Variants in PDE6A observed in about 807,000 individuals in gnomAD.
PDE6A encodes the protein phosphodiesterase 6A, also known as rod cGMP-specific 3',5'-cyclic phosphodiesterase subunit alpha.
In PDE6A, 84 loss-of-function variants were observed where a neutral mutation model predicts 106.3. The observed-to-expected ratio is 0.79, with a 90% CI of 0.66 to 0.95. The LOEUF (loss-of-function observed/expected upper bound fraction) is 0.95, where lower values mean the gene tolerates loss of function less well. Ranked by LOEUF, PDE6A falls within the 40% of genes least tolerant of loss-of-function variation. The probability of loss-of-function intolerance (pLI) is 0.00; values close to 1 mark genes in which losing one functional copy is unlikely to be tolerated. For missense variants in PDE6A, 1,052 were observed against 1,084.9 expected (o/e 0.97, Z 0.43); for synonymous variants, 394 against 386.6 (o/e 1.02, Z -0.23).
chr5:149,932,242 C>T (rs1202556935), intron 3 of PDE6A: 1 of 1,402,510 alleles, frequency 7.1e-7, no homozygotes, highest in African/African-American at 1.4e-5. Flanking sequence ...TCATTTCTGA[C>T]CAGCTGTCCA....
intron 16 of PDE6A, 93 bp from the exon 17 acceptor site, chr5:149,883,629 T>G: frequency 2.3e-6 from 2 of 865,062 alleles, no homozygotes; most frequent in Non-Finnish European, 3.8e-6. Flanking sequence ...GGAGCCTTAT[T>G]AAATCAACAA....
rs1753699013 is a variant in PDE6A at position 149,920,980 on chromosome 5, AAGAAAGAAAG to A, written c.933+645_933+654del. On this transcript the variant is annotated intron_variant, in intron 5 of 21. Coordinates refer to ENST00000255266, the MANE Select transcript of PDE6A (RefSeq NM_000440.3). ...AAAGAAAGAAAGAAAGAAAGAAAGA[AAGAAAGAAAG>A]AAAGAAAAAGAAAGAAAATAGAAAA... Among the ~76,000 whole-genome samples the A allele has an allele frequency of 1.1e-4, 14 of 133,312 alleles. No homozygotes were observed. In the South Asian group the frequency reaches 3.1e-3, roughly 30 times the overall value. 87.5% of individuals were successfully genotyped at this position (133,312 alleles called of 152,430 possible). A position where few individuals can be genotyped will look rare whatever the true frequency, so the allele number is the denominator to read the frequency against.
chr5:149,938,864 A>C (rs982861011), intron 1 of PDE6A, among the ~76,000 whole-genome samples: 1 of 152,178 alleles, frequency 6.6e-6, no homozygotes, highest in Non-Finnish European at 1.5e-5. Flanking sequence ...ATTACAGCCC[A>C]AAAGAACTAC....
chr5:149,906,519 C>CAAAAAAAAAAAAAAAACAAAAAAAA (rs1753190063), intron 7 of PDE6A, among the ~76,000 whole-genome samples: 1 of 54,204 alleles, frequency 1.8e-5, no homozygotes, highest in Non-Finnish European at 4.0e-5. Flanking sequence ...GAGACACTGT[C>CAAAAAAAAAAAAAAAACAAAAAAAA]AAAAAAAAAA....
Position 149,899,472 on chromosome 5 carries a change from G to T in PDE6A, c.1166C>A (p.Pro389Gln). The change falls in exon 9 of 22, where the codon CCG becomes CAG. Residue 389 changes from proline (P) to glutamine (Q), a missense_variant. By Grantham distance (76) the Pro-to-Gln change is moderately conservative (BLOSUM62 -1). This residue lies in a region of PDE6A where 913 missense variants were observed against 915.2 expected (regional missense o/e 1.00). Coordinates refer to ENST00000255266, the MANE Select transcript of PDE6A (RefSeq NM_000440.3). The stretch of plus-strand genomic sequence containing the variant: ...AATTTCTTCCTTCTTGTTCACAATC[G>T]GCATTGAAAGCACATTTTTAATCAT... ...GWMIKNVLSM[P>Q]IVNKKEEIVG... 6.2e-7 allele frequency: 1 copy of T among 1,613,886 alleles called. No homozygotes were observed. Among genetic ancestry groups the T allele is most frequent in the Non-Finnish European group, 8.5e-7 (1 of 1,179,850 alleles).
intron 8 of PDE6A, among the ~76,000 whole-genome samples, chr5:149,900,398 T>TATATATATATATATATATATATATATA (rs1752930997): frequency 7.4e-6 from 1 of 135,090 alleles, no homozygotes; most frequent in Non-Finnish European, 1.6e-5. Context: ...TATATATATA[T>TATATATATATATATATATATATATATA]CCGTTGGTTC....
chr5:149,895,776 T>TGAGAGAGAGAGAGAAAGAG (rs1752723373), intron 12 of PDE6A, among the ~76,000 whole-genome samples: 1 of 151,644 alleles, frequency 6.6e-6, no homozygotes, highest in Non-Finnish European at 1.5e-5. Context: ...TCTGTGTGTG[T>TGAGAGAGAGAGAGAAAGAG]GAGAGAGAGA....
intron 4 of PDE6A, among the ~76,000 whole-genome samples, chr5:149,922,661 T>C (rs1466953402): frequency 6.6e-6 from 1 of 152,194 alleles, no homozygotes; most frequent in Non-Finnish European, 1.5e-5. Context: ...GGAATCAGAC[T>C]GCAATTTATT....
chr5:149,867,747 G>A lies in PDE6A; in HGVS notation c.2252C>T (p.Thr751Met), dbSNP rs143080578. 341 of 1,613,594 alleles carry A rather than the reference G, an allele frequency of 2.1e-4. No homozygotes were observed. Among genetic ancestry groups the A allele is most frequent in the Non-Finnish European group, 2.7e-4 (319 of 1,179,938 alleles). ...CACAATGGGATTCTGTTGCAGCACC[G>A]TGCGCTCCAGGTCACCTTGTTCCCA... ...EFWEQGDLER[T>M]VLQQNPIPMM... Residue 751 changes from threonine (T) to methionine (M), a missense_variant, in exon 19 of 22, where the codon ACG (threonine) becomes ATG (methionine). Around this residue, in one of 3 missense-constraint regions of PDE6A, gnomAD observed 135 missense variants for 153.2 expected, o/e 0.88. Coordinates refer to ENST00000255266, the MANE Select transcript of PDE6A (RefSeq NM_000440.3).
At chr5:149,874,279 G>T (rs1442354092) in intron 17 of PDE6A, among the ~76,000 whole-genome samples, 1 of 152,202 alleles carries the variant, frequency 6.6e-6, no homozygotes, top group Non-Finnish European at 1.5e-5. Context: ...CCACATGTAT[G>T]GGGTCCCCAA....
At chr5:149,887,933 G>A (rs1438029062) in intron 13 of PDE6A, among the ~76,000 whole-genome samples, 2 of 152,112 alleles carry the variant, frequency 1.3e-5, no homozygotes, top group Non-Finnish European at 2.9e-5. Context: ...TATGCTGGGC[G>A]TAAAGCCTGC....
At chr5:149,861,624 T>C (rs866971237) in intron 21 of PDE6A, among the ~76,000 whole-genome samples, 16 of 152,176 alleles carry the variant, frequency 1.1e-4, no homozygotes, top group African/African-American at 3.1e-4. Context: ...CGCTCCAGCC[T>C]GGGCAACAAA....
chr5:149,940,793 C>T lies in PDE6A; in HGVS notation c.474+3407G>A, dbSNP rs934212200. ...GATTACAGGTGTGAGCCACTGCGCC[C>T]GGCCTACCTGTTTGAATTCTTGCAT... On this transcript the variant is annotated intron_variant, in intron 1 of 21. Transcript: ENST00000255266. Among the ~76,000 whole-genome samples the T allele has an allele frequency of 1.1e-4, 16 of 152,118 alleles. 1 individual carries two copies. The highest frequency in any genetic ancestry group is 2.4e-4 in the African/African-American group (10 of 41,424).
intron 8 of PDE6A, among the ~76,000 whole-genome samples, chr5:149,900,375 G>GTATATGTATA (rs1752924278): frequency 1.2e-5 from 1 of 82,584 alleles, no homozygotes; most frequent in Non-Finnish European, 2.4e-5. Context: ...AAATATATAT[G>GTATATGTATA]TATATATATA....
At chr5:149,938,773 AT>A (rs1161335648) in intron 1 of PDE6A, among the ~76,000 whole-genome samples, 1 of 151,528 alleles carries the variant, frequency 6.6e-6, no homozygotes, top group Non-Finnish European at 1.5e-5. Context: ...GGCATCTTAT[AT>A]TTTTTCTGGC....
At chr5:149,899,561 T>A (rs1179411089) in intron 8 of PDE6A, 37 bp from the exon 9 acceptor site, 1 of 1,607,688 alleles carries the variant, frequency 6.2e-7, no homozygotes, top group South Asian at 1.1e-5. Context: ...TCCTCTTGTT[T>A]CAGGCCACAG....
intron 17 of PDE6A, among the ~76,000 whole-genome samples, chr5:149,881,002 G>A (rs1044247886): frequency 2.6e-5 from 4 of 152,186 alleles, no homozygotes; most frequent in African/African-American, 9.7e-5. Flanking sequence ...GGTGCAGGTT[G>A]CAGTGAGCCG....
intron 13 of PDE6A, among the ~76,000 whole-genome samples, chr5:149,888,765 G>C (rs997551302): frequency 5.3e-5 from 8 of 151,890 alleles, no homozygotes; most frequent in Admixed American, 5.2e-4. Flanking sequence ...GAAAGTAATT[G>C]TATGTGTGAT....
In PDE6A at chr5:149,895,297, A is replaced by G; in HGVS notation, c.1621-7T>C. 1 of 1,579,378 alleles carries G rather than the reference A, an allele frequency of 6.3e-7. No individual in the cohort carries two copies. Reference sequence around the variant, plus strand: ...ACATGAACCGCACCAGGGCCTGTGAACACATGCACATCAGTGAGGCAGGAC... The same window carrying G: ...ACATGAACCGCACCAGGGCCTGTGAGCACATGCACATCAGTGAGGCAGGAC... On this transcript the variant is annotated splice_polypyrimidine_tract_variant and splice_region_variant and intron_variant, in intron 12 of 21. Transcript: ENST00000255266.
Sources: allele counts gnomAD v4.1 joint callset (sites outside exome capture counted in the v4.1 genomes callset), GRCh38; gene constraint gnomAD v4.1.1; regional missense constraint gnomAD v4.1.1; transcripts MANE v1.5; gene names NCBI Gene and HGNC (gene_info 2026-07-23, HGNC 2026-07-21).